Variants in CCDC192 observed in about 807,000 individuals in gnomAD.
CCDC192 encodes coiled-coil domain-containing protein 192.
chr5:127,878,290 G>C (rs1752187543), intron 6 of CCDC192, among the ~76,000 whole-genome samples: 1 of 152,222 alleles, frequency 6.6e-6, no homozygotes. Context: ...CTGTGGATAT[G>C]AACCAATCTT....
At chr5:127,829,896 T>G (rs1749704579) in intron 5 of CCDC192, among the ~76,000 whole-genome samples, 1 of 152,172 alleles carries the variant, frequency 6.6e-6, no homozygotes, top group East Asian at 1.9e-4. Context: ...TACCGGTGGC[T>G]TGAGTAGAGT....
At chr5:127,796,668 A>G (rs1757182115) in intron 3 of CCDC192, among the ~76,000 whole-genome samples, 1 of 152,166 alleles carries the variant, frequency 6.6e-6, no homozygotes, top group Non-Finnish European at 1.5e-5. Flanking sequence ...TATGGCGAAC[A>G]TTCAAAGGAG....
intron 2 of CCDC192, among the ~76,000 whole-genome samples, chr5:127,713,060 C>T (rs138386833): frequency 5.7e-4 from 86 of 152,114 alleles, no homozygotes; most frequent in African/African-American, 1.9e-3. Context: ...CATGGAGAAA[C>T]GCTGTCTCTA....
intron 2 of CCDC192, among the ~76,000 whole-genome samples, chr5:127,711,923 G>A (rs922749386): frequency 4.5e-4 from 69 of 151,792 alleles, no homozygotes; most frequent in Middle Eastern, 3.2e-3. Flanking sequence ...CACATTTAAA[G>A]TATACAAGTT....
At chr5:127,906,816 A>C (rs759662995) in intron 6 of CCDC192, among the ~76,000 whole-genome samples, 8 of 151,996 alleles carry the variant, frequency 5.3e-5, no homozygotes, top group Admixed American at 1.3e-4. Context: ...ACAAATATCT[A>C]TTTGAGTTCC....
At chr5:127,775,993 T>C (rs939823213) in intron 3 of CCDC192, among the ~76,000 whole-genome samples, 8 of 152,226 alleles carry the variant, frequency 5.3e-5, no homozygotes, top group Admixed American at 2.6e-4. Context: ...GTCTGGGGTA[T>C]GTCTTTATTA....
intron 5 of CCDC192, among the ~76,000 whole-genome samples, chr5:127,806,519 G>A (rs185001996): frequency 5.9e-5 from 9 of 152,112 alleles, no homozygotes; most frequent in African/African-American, 9.6e-5. Flanking sequence ...AGCTAACCAC[G>A]CATTTCTTCA....
At chr5:127,751,242 G>T (rs578068440) in intron 2 of CCDC192, among the ~76,000 whole-genome samples, 1 of 152,100 alleles carries the variant, frequency 6.6e-6, no homozygotes, top group African/African-American at 2.4e-5. Flanking sequence ...TGATTTTGCA[G>T]CAGCTGGTAC....
chr5:127,810,415 G>GTGC (rs1395448485), intron 5 of CCDC192, among the ~76,000 whole-genome samples: 1 of 152,180 alleles, frequency 6.6e-6, no homozygotes, highest in Non-Finnish European at 1.5e-5. Flanking sequence ...CGTGGAAGTG[G>GTGC]TGCATTGGTT....
At chr5:127,770,623 A>G (rs75494825) in intron 3 of CCDC192, among the ~76,000 whole-genome samples, 2,144 of 152,292 alleles carry the variant, frequency 0.014, 23 homozygotes, top group African/African-American at 0.03. Flanking sequence ...GGGATGGTAC[A>G]TTATTTAATT....
At chr5:127,723,403 A>C (rs1260737484) in intron 2 of CCDC192, among the ~76,000 whole-genome samples, 1 of 152,190 alleles carries the variant, frequency 6.6e-6, no homozygotes, top group Non-Finnish European at 1.5e-5. Context: ...ATTATCTGCA[A>C]ACAAGGATAA....
At chr5:127,877,866 A>G (rs1752146371) in intron 6 of CCDC192, among the ~76,000 whole-genome samples, 1 of 152,082 alleles carries the variant, frequency 6.6e-6, no homozygotes, top group Non-Finnish European at 1.5e-5. Context: ...GGGTTCTCAG[A>G]CCTCTGTTTG....
chr5:127,832,895 C>G (rs939857092), intron 5 of CCDC192, among the ~76,000 whole-genome samples: 3 of 152,118 alleles, frequency 2.0e-5, no homozygotes, highest in African/African-American at 4.8e-5. Context: ...CTTCAATCTC[C>G]TAAATATTGA....
At chr5:127,886,100 CG>C (rs1157341401) in intron 6 of CCDC192, among the ~76,000 whole-genome samples, 5 of 152,144 alleles carry the variant, frequency 3.3e-5, no homozygotes, top group Non-Finnish European at 7.3e-5. Context: ...CTCTTCTGCA[CG>C]TGCTTTTCTT....
At chr5:127,755,772 G>C (rs1237962288) in intron 3 of CCDC192, among the ~76,000 whole-genome samples, 1 of 148,276 alleles carries the variant, frequency 6.7e-6, no homozygotes, top group Non-Finnish European at 1.5e-5. Context: ...CTGGGATTAG[G>C]TTACACTAAG....
intron 5 of CCDC192, among the ~76,000 whole-genome samples, 168 bp from the exon 6 acceptor site, chr5:127,875,370 A>G (rs1752032868): frequency 6.6e-6 from 1 of 152,204 alleles, no homozygotes. Context: ...TGACAGGAGC[A>G]CATACACTGT....
intron 2 of CCDC192, among the ~76,000 whole-genome samples, chr5:127,734,333 A>G (rs954087739): frequency 8.6e-5 from 13 of 151,920 alleles, no homozygotes; most frequent in African/African-American, 2.9e-4. Context: ...TCATTGTTGG[A>G]CATTTGGGTT....
intron 2 of CCDC192, among the ~76,000 whole-genome samples, chr5:127,725,078 C>G (rs1752246479): frequency 6.6e-6 from 1 of 151,980 alleles, no homozygotes; most frequent in Admixed American, 6.6e-5. Context: ...CTCTTTATAT[C>G]AAATAAAAAA....
intron 2 of CCDC192, among the ~76,000 whole-genome samples, chr5:127,725,881 T>C (rs1752291644): frequency 6.6e-6 from 1 of 152,206 alleles, no homozygotes; most frequent in South Asian, 2.1e-4. Flanking sequence ...GATGATGCAA[T>C]ACTTTTGGCA....
Sources: allele counts gnomAD v4.1 joint callset (sites outside exome capture counted in the v4.1 genomes callset), GRCh38; gene constraint gnomAD v4.1.1; transcripts MANE v1.5; gene names NCBI Gene and HGNC (gene_info 2026-07-23, HGNC 2026-07-21).